Variants in PXT1 observed in about 807,000 individuals in gnomAD.
The protein encoded by PXT1 is peroxisomal testis enriched protein 1.
PXT1 carries 11 observed loss-of-function variants against 11.0 expected under a neutral mutation model. The observed-to-expected ratio is 1.00, with a 90% confidence interval of 0.63 to 1.66. The LOEUF is 1.66. Among genes scored for constraint, PXT1 ranks in the 40% most tolerant of loss-of-function variants. The pLI, the probability that PXT1 is intolerant of heterozygous loss-of-function variation, is 0.00. For synonymous variants in PXT1, 43 were observed against 51.4 expected, an observed-to-expected ratio of 0.84 and a Z score of 0.70; for missense variants, 141 against 155.5, an observed-to-expected ratio of 0.91 and a Z score of 0.49.
At position 36,404,523 on chromosome 6, in the gene PXT1, T is replaced by C. The variant is rs550066348; in HGVS notation, c.170-3939A>G. On this transcript the variant is annotated intron_variant, in intron 3 of 4. Coordinates refer to ENST00000454782, the MANE Select transcript of PXT1 (RefSeq NM_152990.4). ...TTTTTGTAGAGATGGACTCTTGCCA[T>C]GTTGCCCACACTGGTCTCAAACTCC... Among the ~76,000 whole-genome samples, 3 of 152,286 alleles carry C rather than the reference T, an allele frequency of 2.0e-5. No individual in the cohort carries two copies. The South Asian group carries it at 6.2e-4, about 32-fold the overall frequency.
At chr6:36,411,437 G>A (rs1774374582) in intron 3 of PXT1, among the ~76,000 whole-genome samples, 1 of 152,028 alleles carries the variant, frequency 6.6e-6, no homozygotes, top group Admixed American at 6.6e-5. Context: ...GGCAACAAGA[G>A]TGAAACTCCA....
intron 1 of PXT1, among the ~76,000 whole-genome samples, chr6:36,440,205 G>A (rs967137736): frequency 6.6e-6 from 1 of 152,134 alleles, no homozygotes; most frequent in Non-Finnish European, 1.5e-5. Flanking sequence ...AAGCTTAGTC[G>A]GTAGAAATGA....
intron 2 of PXT1, among the ~76,000 whole-genome samples, chr6:36,429,685 A>C (rs935898096): frequency 6.7e-6 from 1 of 149,976 alleles, no homozygotes; most frequent in Non-Finnish European, 1.5e-5. Context: ...TTTTATTTTT[A>C]GTAGAGATAG....
intron 4 of PXT1, among the ~76,000 whole-genome samples, chr6:36,396,540 T>C (rs975008469): frequency 8.5e-5 from 13 of 152,206 alleles, no homozygotes; most frequent in African/African-American, 2.9e-4. Flanking sequence ...GATTGATTCC[T>C]GGGTGGAAGG....
intron 4 of PXT1, among the ~76,000 whole-genome samples, chr6:36,397,228 C>T (rs1174323235): frequency 6.6e-6 from 1 of 152,136 alleles, no homozygotes; most frequent in Non-Finnish European, 1.5e-5. Context: ...AGAAAATTGA[C>T]ACCCCAAAGA....
At position 36,404,161 on chromosome 6, in the gene PXT1, A is replaced by G. The variant is rs79157111; in HGVS notation, c.170-3577T>C. The stretch of plus-strand genomic sequence containing the variant: ...AGGGAACCAGGAAAATGATGTCAGG[A>G]AAGGCATATTTCAAGTCTTGTTGAA... On this transcript the variant is annotated intron_variant, in intron 3 of 4. Transcript: ENST00000454782. Among the ~76,000 whole-genome samples, 33 of 152,322 alleles carry G rather than the reference A, an allele frequency of 2.2e-4. 1 individual carries two copies. In the East Asian group the frequency reaches 6.2e-3, roughly 28 times the overall value.
intron 2 of PXT1, among the ~76,000 whole-genome samples, chr6:36,426,538 T>C (rs948744600): frequency 2.0e-5 from 3 of 151,932 alleles, no homozygotes; most frequent in Non-Finnish European, 4.4e-5. Flanking sequence ...GCCTGGCTAA[T>C]TTTGTATTTT....
Position 36,438,580 on chromosome 6 carries a change from G to A in PXT1, c.-10+187C>T, listed in dbSNP as rs182935556. On this transcript the variant is annotated intron_variant, in intron 2 of 4. Transcript: ENST00000454782. ...CGGGACTACAGGTGCCTGCCACCACGCCCGGCTAATTGTTTGTATTTTTAG... is the reference window on the plus strand; with the variant it reads ...CGGGACTACAGGTGCCTGCCACCACACCCGGCTAATTGTTTGTATTTTTAG... Among the ~76,000 whole-genome samples the A allele has an allele frequency of 0.013, 1,943 of 152,146 alleles. 18 individuals are homozygous for A. Among genetic ancestry groups the A allele is most frequent in the Non-Finnish European group, 0.019 (1,320 of 67,980 alleles).
At chr6:36,392,460 G>C (rs1298199245) in intron 4 of PXT1, among the ~76,000 whole-genome samples, 1 of 152,136 alleles carries the variant, frequency 6.6e-6, no homozygotes, top group Non-Finnish European at 1.5e-5. Context: ...CTTGAGTTCA[G>C]GAATTTGAGA....
intron 3 of PXT1, among the ~76,000 whole-genome samples, chr6:36,409,870 A>T (rs1367632359): frequency 1.1e-5 from 1 of 90,774 alleles, no homozygotes; most frequent in South Asian, 3.1e-4. Flanking sequence ...AGGAGAAAGA[A>T]AAGAAAAGAA....
intron 3 of PXT1, among the ~76,000 whole-genome samples, chr6:36,415,768 T>C (rs991227545): frequency 1.3e-5 from 2 of 152,188 alleles, no homozygotes; most frequent in East Asian, 3.9e-4. Context: ...GGAGATACAG[T>C]AGGGCAAATT....
intron 3 of PXT1, among the ~76,000 whole-genome samples, chr6:36,404,745 G>A (rs1387183426): frequency 6.6e-6 from 1 of 151,878 alleles, no homozygotes; most frequent in African/African-American, 2.4e-5. Flanking sequence ...ATCACCTGAG[G>A]TCAGGAGTTT....
At chr6:36,431,728 T>C (rs1774695870) in intron 2 of PXT1, among the ~76,000 whole-genome samples, 1 of 152,120 alleles carries the variant, frequency 6.6e-6, no homozygotes, top group Non-Finnish European at 1.5e-5. Flanking sequence ...ATTGGGCTAC[T>C]GCACTCCAGC....
chr6:36,438,002 T>A (rs2127419430), intron 2 of PXT1, among the ~76,000 whole-genome samples: 1 of 151,742 alleles, frequency 6.6e-6, no homozygotes, highest in Admixed American at 6.6e-5. Flanking sequence ...GTATTTTTAG[T>A]AGAGACGGGG....
chr6:36,439,662 AC>A (rs200945609), intron 1 of PXT1, among the ~76,000 whole-genome samples: 25,635 of 126,108 alleles, frequency 0.2, 2,351 homozygotes, highest in East Asian at 0.38. Flanking sequence ...AAAAAAAAAA[AC>A]AACTAAGCAT....
intron 3 of PXT1, among the ~76,000 whole-genome samples, chr6:36,401,868 A>G (rs1415331979): frequency 6.7e-6 from 1 of 149,078 alleles, no homozygotes; most frequent in East Asian, 1.9e-4. Flanking sequence ...CACTATATAT[A>G]TAACATATAT....
chr6:36,431,398 A>G (rs1409499148), intron 2 of PXT1, among the ~76,000 whole-genome samples: 1 of 152,192 alleles, frequency 6.6e-6, no homozygotes, highest in Non-Finnish European at 1.5e-5. Flanking sequence ...TGAACAAGAC[A>G]CACATTGTTC....
chr6:36,428,570 G>A (rs896050325), intron 2 of PXT1, among the ~76,000 whole-genome samples: 7 of 152,118 alleles, frequency 4.6e-5, no homozygotes, highest in Admixed American at 4.6e-4. Context: ...ATGTGACATT[G>A]CTAGACAACT....
intron 4 of PXT1, among the ~76,000 whole-genome samples, chr6:36,396,635 T>C (rs1481494386): frequency 4.6e-5 from 7 of 152,004 alleles, no homozygotes; most frequent in African/African-American, 1.7e-4. Context: ...TGGACCAGAG[T>C]GAGGACTGGT....
Sources: gnomAD v4.1 joint callset for allele counts (sites outside exome capture counted in the v4.1 genomes callset) on GRCh38, gnomAD v4.1.1 for gene constraint, MANE v1.5 for transcripts, NCBI Gene and HGNC (gene_info 2026-07-23, HGNC 2026-07-21) for gene names.